The following ERBB4 variants were observed in gnomAD, a reference collection of about 807,000 sequenced individuals.
The protein encoded by ERBB4 is receptor tyrosine-protein kinase erbB-4.
A neutral mutation model predicts 158.0 loss-of-function variants in ERBB4; 42 were observed. The observed-to-expected ratio is 0.27, with a 90% CI of 0.21 to 0.34. ERBB4 has a LOEUF of 0.34. ERBB4 is among the 10% of genes least tolerant of loss of function. The pLI is 1.00. For missense variants in ERBB4, 1,333 were observed against 1,624.1 expected (o/e 0.82, Z 3.08); for synonymous variants, 583 against 558.7 (o/e 1.04, Z -0.61).
chr2:211,734,976 A>T (rs1005499805), intron 5 of ERBB4, among the ~76,000 whole-genome samples: 4 of 151,762 alleles, frequency 2.6e-5, no homozygotes, highest in African/African-American at 9.7e-5. Flanking sequence ...TTTTAAAAAT[A>T]TAATGTGAAG....
chr2:211,415,868 G>A (rs10178370), intron 25 of ERBB4, among the ~76,000 whole-genome samples: 4,764 of 152,144 alleles, frequency 0.031, 239 homozygotes, highest in African/African-American at 0.11. Context: ...GGGAGAAAGC[G>A]TGTAAGAGGA....
intron 1 of ERBB4, among the ~76,000 whole-genome samples, chr2:212,369,331 A>G (rs940580385): frequency 6.6e-6 from 1 of 152,040 alleles, no homozygotes; most frequent in Admixed American, 6.6e-5. Flanking sequence ...AGTCCTCTTC[A>G]TTTACTTATG....
chr2:212,246,490 T>C (rs2084315574), intron 1 of ERBB4, among the ~76,000 whole-genome samples: 2 of 152,178 alleles, frequency 1.3e-5, no homozygotes, highest in African/African-American at 4.8e-5. Flanking sequence ...ATGAAAAAGC[T>C]CTGTTGAGTT....
chr2:212,289,340 C>A (rs1314844478), intron 1 of ERBB4, among the ~76,000 whole-genome samples: 1 of 152,126 alleles, frequency 6.6e-6, no homozygotes, highest in Admixed American at 6.5e-5. Flanking sequence ...ATTAAAGGAT[C>A]TTTTGATATT....
chr2:211,730,082 T>C (rs2074382095), intron 5 of ERBB4, among the ~76,000 whole-genome samples: 1 of 151,982 alleles, frequency 6.6e-6, no homozygotes, highest in African/African-American at 2.4e-5. Flanking sequence ...TGAGAGAATG[T>C]CTATCAAGTC....
chr2:212,238,032 G>C (rs574934553), intron 1 of ERBB4, among the ~76,000 whole-genome samples: 1 of 152,208 alleles, frequency 6.6e-6, no homozygotes, highest in Non-Finnish European at 1.5e-5. Flanking sequence ...GGTAGGATCC[G>C]CTGAGCTAGA....
chr2:212,200,536 A>G (rs772186097), intron 1 of ERBB4, among the ~76,000 whole-genome samples: 1 of 152,182 alleles, frequency 6.6e-6, no homozygotes, highest in Non-Finnish European at 1.5e-5. Flanking sequence ...TAGATTTATT[A>G]TAAGGATTAA....
At position 211,431,064 on chromosome 2, in the gene ERBB4, G is replaced by C. The variant is rs1240072004; in HGVS notation, c.2524C>G (p.Arg842Gly). 1 of 1,613,834 alleles carries C rather than the reference G, an allele frequency of 6.2e-7. No individual in the cohort carries two copies. The highest frequency in any genetic ancestry group is 8.5e-7 in the Non-Finnish European group (1 of 1,179,860). Residue 842 changes from arginine to glycine, a missense_variant, in exon 21 of 28, where the codon CGG becomes GGG. Arg to Gly is a moderately radical substitution (Grantham distance 125, BLOSUM62 -2). Coordinates refer to ENST00000342788, the MANE Select transcript of ERBB4 (RefSeq NM_005235.3). ...MYLEERRLVH[R>G]DLAARNVLVK... The stretch of plus-strand genomic sequence containing the variant: ...AAGACATTACGGGCTGCCAAATCCC[G>C]ATGAACGAGTCGTCTTTCTTCCAGG...
intron 3 of ERBB4, among the ~76,000 whole-genome samples, chr2:211,818,157 A>G (rs1401724327): frequency 6.6e-6 from 1 of 152,162 alleles, no homozygotes; most frequent in East Asian, 1.9e-4. Flanking sequence ...GCAGGAATAT[A>G]AACATAGGGT....
At chr2:212,053,851 C>T (rs1301169037) in intron 2 of ERBB4, among the ~76,000 whole-genome samples, 3 of 152,124 alleles carry the variant, frequency 2.0e-5, no homozygotes, top group African/African-American at 7.2e-5. Flanking sequence ...TTTTATGATG[C>T]CAACTTAGGC....
chr2:212,528,403 A>G (rs949384349), intron 1 of ERBB4, among the ~76,000 whole-genome samples: 1 of 152,144 alleles, frequency 6.6e-6, no homozygotes, highest in Non-Finnish European at 1.5e-5. Context: ...TCACCATTAC[A>G]TACTACTTCG....
intron 20 of ERBB4, among the ~76,000 whole-genome samples, chr2:211,463,928 A>G (rs1033200525): frequency 1.8e-4 from 27 of 152,138 alleles, no homozygotes; most frequent in Non-Finnish European, 2.9e-5. Context: ...ACTGTGCCTC[A>G]AACATTATCA....
In ERBB4 at chr2:211,428,450, G is replaced by A. The variant is rs1312174046; in HGVS notation, c.2677C>T (p.His893Tyr). ...PIKWMALECIHYRKFTHQSDV... is the reference protein window; with the variant it reads ...PIKWMALECIYYRKFTHQSDV... Reference sequence around the variant, plus strand: ...CTCTGATGGGTGAATTTCCTGTAATGTATACACTCCAGAGCCATCCATTTA... The same window carrying A: ...CTCTGATGGGTGAATTTCCTGTAATATATACACTCCAGAGCCATCCATTTA... The change falls in exon 22 of 28, where the codon CAT (histidine) becomes TAT (tyrosine). Residue 893 changes from histidine to tyrosine, a missense_variant. By Grantham distance (83) the His-to-Tyr change is moderately conservative (BLOSUM62 2). Around this residue, in one of 5 missense-constraint regions of ERBB4, gnomAD observed 314 missense variants for 437.6 expected, o/e 0.72. Transcript: ENST00000342788. 2 of 1,588,436 alleles carry A rather than the reference G, an allele frequency of 1.3e-6. No homozygotes were observed. Among genetic ancestry groups the A allele is most frequent in the Non-Finnish European group, 1.7e-6 (2 of 1,157,744 alleles).
intron 1 of ERBB4, among the ~76,000 whole-genome samples, chr2:212,373,831 ATATATATCCATG>A (rs1337337381): frequency 4.3e-5 from 5 of 117,502 alleles, no homozygotes; most frequent in Admixed American, 1.7e-4. Flanking sequence ...ATCCATATAT[ATATATATCCATG>A]TATATATCCA....
chr2:212,536,988 G>A (rs1693108875), intron 1 of ERBB4, among the ~76,000 whole-genome samples: 1 of 152,148 alleles, frequency 6.6e-6, no homozygotes, highest in African/African-American at 2.4e-5. Context: ...TCCGGAGGTG[G>A]CTGGAGCGCG....
intron 25 of ERBB4, among the ~76,000 whole-genome samples, chr2:211,400,671 T>C (rs1464580367): frequency 6.6e-6 from 1 of 150,462 alleles, no homozygotes; most frequent in Non-Finnish European, 1.5e-5. Context: ...GGATGGTTAA[T>C]GGGTACAAAA....
chr2:212,225,582 G>A (rs16847988), intron 1 of ERBB4, among the ~76,000 whole-genome samples: 7,571 of 151,534 alleles, frequency 0.05, 594 homozygotes, highest in African/African-American at 0.17. Flanking sequence ...GAGGTAATTA[G>A]GATTTGCTGA....
intron 3 of ERBB4, among the ~76,000 whole-genome samples, chr2:211,823,408 C>T (rs1050538986): frequency 6.6e-6 from 1 of 151,462 alleles, no homozygotes; most frequent in African/African-American, 2.4e-5. Flanking sequence ...GTAAGCATCT[C>T]TTAGAGACAG....
chr2:212,193,821 C>G (rs1319209036), intron 1 of ERBB4, among the ~76,000 whole-genome samples: 1 of 152,032 alleles, frequency 6.6e-6, no homozygotes. Context: ...AATTAGAATA[C>G]TAAAAAATAT....
Sources: allele counts gnomAD v4.1 joint callset (sites outside exome capture counted in the v4.1 genomes callset), GRCh38; gene constraint gnomAD v4.1.1; regional missense constraint gnomAD v4.1.1; transcripts MANE v1.5; gene names NCBI Gene and HGNC (gene_info 2026-07-23, HGNC 2026-07-21).